CFAP97D1: variants seen among roughly 807,000 people sequenced by gnomAD.
CFAP97D1 encodes the protein CFAP97 domain containing 1.
A neutral mutation model predicts 20.5 loss-of-function variants in CFAP97D1; 15 were observed. The ratio of observed to expected loss-of-function variants is 0.73; its 90% confidence interval spans 0.49 to 1.13. The LOEUF is 1.13. CFAP97D1 is among the 50% of genes most tolerant of loss of function. The pLI is 0.00. For missense variants in CFAP97D1, 168 were observed against 202.9 expected (o/e 0.83, Z 1.04); for synonymous variants, 58 against 71.2 (o/e 0.82, Z 0.93).
At chr17:43,783,974 C>A in intron 5 of CFAP97D1, 81 bp downstream of exon 5, 5 of 1,102,084 alleles carry the variant, frequency 4.5e-6, no homozygotes, top group Non-Finnish European at 6.6e-6. Context: ...GAATGAGGGG[C>A]CCAGTTAAGG....
intron 2 of CFAP97D1, 147 bp from the exon 3 acceptor site, chr17:43,781,627 C>G: frequency 1.5e-6 from 1 of 648,390 alleles, no homozygotes; most frequent in Non-Finnish European, 2.7e-6. Context: ...GCCCGGCCGC[C>G]CAGTCTTTTA....
Position 43,780,477 on chromosome 17 carries a change from G to A in CFAP97D1, c.15G>A (p.Leu5=). 3.2e-6 allele frequency: 5 copies of A among 1,551,628 alleles called. No individual in the cohort carries two copies. The highest frequency in any genetic ancestry group is 4.4e-6 in the Non-Finnish European group (5 of 1,146,966). Residue 5 remains leucine, a synonymous_variant, in exon 1 of 6, where the codon CTG becomes CTA. Transcript: ENST00000449302. MNNS[L]DYLAYPVIVS... Reference sequence around the variant, plus strand: ...AGGAAGAGAAGATGAACAATTCCCTGGATTATCTGGCCTACCCTGTTATCG... The same window carrying A: ...AGGAAGAGAAGATGAACAATTCCCTAGATTATCTGGCCTACCCTGTTATCG...
chr17:43,781,951 T>C, intron 3 of CFAP97D1, 59 bp downstream of exon 3: 1 of 1,197,636 alleles, frequency 8.3e-7, no homozygotes, highest in South Asian at 1.3e-5. Flanking sequence ...TCCTCTTGGG[T>C]TTTAGTGTGA....
At chr17:43,781,747 C>A (rs370228958) in intron 2 of CFAP97D1, 27 bp from the exon 3 acceptor site, 86 of 1,409,196 alleles carry the variant, frequency 6.1e-5, no homozygotes, top group Non-Finnish European at 8.0e-5. Context: ...GATGGTGTCA[C>A]CATGGTGAGG....
At chr17:43,780,632 A>G (rs1974461501) in intron 1 of CFAP97D1, 46 bp downstream of exon 1, 3 of 1,548,758 alleles carry the variant, frequency 1.9e-6, no homozygotes, top group Non-Finnish European at 1.7e-6. Flanking sequence ...GGATTTTGGA[A>G]TGGTACCCCA....
At chr17:43,781,244 T>C in intron 2 of CFAP97D1, 55 bp downstream of exon 2, 1 of 1,422,946 alleles carries the variant, frequency 7.0e-7, no homozygotes, top group Non-Finnish European at 9.7e-7. Context: ...ACTTCCAGTC[T>C]GTTTCCTAAA....
Position 43,781,838 on chromosome 17 carries a change from A to G in CFAP97D1, c.260A>G (p.Asn87Ser). 6.4e-7 allele frequency: 1 copy of G among 1,551,624 alleles called. No homozygotes were observed. Among genetic ancestry groups the G allele is most frequent in the Non-Finnish European group, 8.7e-7 (1 of 1,146,928 alleles). Residue 87 changes from asparagine to serine, a missense_variant, in exon 3 of 6, where the codon AAT (asparagine) becomes AGT (serine). Asn to Ser is a conservative substitution (Grantham distance 46). Coordinates refer to ENST00000449302, the MANE Select transcript of CFAP97D1 (RefSeq NM_001136483.3). ...ENKQLCQKIA[N>S]AHRGPAKVDC... ...AAGCAACTGTGTCAGAAAATCGCAAATGCCCATCGCGGCCCTGCCAAGGTG... is the reference window on the plus strand; with the variant it reads ...AAGCAACTGTGTCAGAAAATCGCAAGTGCCCATCGCGGCCCTGCCAAGGTG...
In CFAP97D1 at chr17:43,787,462, T is replaced by G. The variant is rs746084193; in HGVS notation, c.*3080T>G. The G allele has an allele frequency of 1.3e-5, 2 of 152,214 alleles. No individual in the cohort carries two copies. The highest frequency in any genetic ancestry group is 2.9e-5 in the Non-Finnish European group (2 of 68,046). The allele number at this position is 152,214 out of a possible 1,614,324, so 9.4% of individuals were successfully genotyped here. On this transcript the variant is annotated 3_prime_UTR_variant, in exon 6 of 6. Coordinates refer to ENST00000449302, the MANE Select transcript of CFAP97D1 (RefSeq NM_001136483.3). ...TGATGAAACTGTTCTATATCTTGAC[T>G]CTATCAATGTCAATATCCTTGTTGT...
At position 43,784,934 on chromosome 17, in the gene CFAP97D1, A is replaced by G. The variant is rs1163010218; in HGVS notation, c.*552A>G. On this transcript the variant is annotated 3_prime_UTR_variant, in exon 6 of 6. Transcript: ENST00000449302. ...GGTGAGACAATGTTGCAGGCCTGCT[A>G]TGATTGGTCATGCTAGTTTTCAGCC... 6.6e-6 allele frequency: 1 copy of G among 152,006 alleles called. No homozygotes were observed. Among genetic ancestry groups the G allele is most frequent in the Non-Finnish European group, 1.5e-5 (1 of 68,016 alleles). 9.4% of individuals were successfully genotyped at this position (152,006 alleles called of 1,614,324 possible).
At chr17:43,783,749 A>G (rs761736581) in intron 4 of CFAP97D1, 88 bp from the exon 5 acceptor site, 17 of 1,047,500 alleles carry the variant, frequency 1.6e-5, no homozygotes, top group African/African-American at 3.2e-5. Context: ...TGGTCTTTAA[A>G]TCTTTTCTAA....
At chr17:43,781,348 C>T (rs1159435478) in intron 2 of CFAP97D1, among the ~76,000 whole-genome samples, 159 bp downstream of exon 2, 1 of 140,384 alleles carries the variant, frequency 7.1e-6, no homozygotes, top group Non-Finnish European at 1.5e-5. Flanking sequence ...TCGTTTTTTT[C>T]CCCCCTGATA....
At position 43,780,768 on chromosome 17, in the gene CFAP97D1, G is replaced by A. The variant is rs187854750; in HGVS notation, c.124+182G>A. On this transcript the variant is annotated intron_variant, in intron 1 of 5. Transcript: ENST00000449302. ...GTATCTTCCACCAGGGAGTTCACTG[G>A]ATGGAAATACTCCTTTAAACTCCTT... 7.7e-4 allele frequency among the ~76,000 whole-genome samples: 118 copies of A among 152,278 alleles called. 1 individual carries two copies. The highest frequency in any genetic ancestry group is 2.7e-3 in the African/African-American group (112 of 41,554).
At chr17:43,782,872 T>G (rs1003355694) in intron 3 of CFAP97D1, 5 of 262,740 alleles carry the variant, frequency 1.9e-5, no homozygotes, top group Non-Finnish European at 2.9e-5. Flanking sequence ...CAATCCTGGT[T>G]TTACATTATA....
intron 2 of CFAP97D1, among the ~76,000 whole-genome samples, 189 bp downstream of exon 2, chr17:43,781,378 C>T (rs972847343): frequency 1.3e-5 from 2 of 149,840 alleles, no homozygotes; most frequent in Admixed American, 1.3e-4. Flanking sequence ...GCTCTGTTGC[C>T]TAGGCTGGAG....
Position 43,785,782 on chromosome 17 carries a change from C to T in CFAP97D1, c.*1400C>T, listed in dbSNP as rs1484749351. 2 of 152,166 alleles carry T rather than the reference C, an allele frequency of 1.3e-5. No homozygotes were observed. The highest frequency in any genetic ancestry group is 4.8e-5 in the African/African-American group (2 of 41,400). The allele number at this position is 152,166 out of a possible 1,614,324, so 9.4% of individuals were successfully genotyped here. A position where few individuals can be genotyped will look rare whatever the true frequency, so the allele number is the denominator to read the frequency against. On this transcript the variant is annotated 3_prime_UTR_variant, in exon 6 of 6. Transcript: ENST00000449302. ...TCATTGCCCTGGAAAGGGGTGGTAA[C>T]TCCTAGGTGTTGCTACGGTAATGGT...
In CFAP97D1 at chr17:43,780,501, C is replaced by T. The variant is rs73987086; in HGVS notation, c.39C>T (p.Ile13=). The part of the protein sequence containing the change: ...NSLDYLAYPV[I]VSNHRQSTTF... ...TGGATTATCTGGCCTACCCTGTTAT[C>T]GTCTCTAATCACAGGCAAAGCACAA... is the stretch of plus-strand genomic sequence containing the variant. Residue 13 remains isoleucine (I), a synonymous_variant, in exon 1 of 6, where the codon ATC becomes ATT. Transcript: ENST00000449302. 9.4e-3 allele frequency: 14,618 copies of T among 1,551,564 alleles called. 1,089 individuals are homozygous for T. In the African/African-American group the frequency reaches 0.17, roughly 18 times the overall value.
At chr17:43,783,099 A>G in intron 3 of CFAP97D1, 81 bp from the exon 4 acceptor site, 1 of 1,522,244 alleles carries the variant, frequency 6.6e-7, no homozygotes, top group Non-Finnish European at 8.9e-7. Context: ...TCTGGCATTT[A>G]TGATCTCATG....
Position 43,787,173 on chromosome 17 carries a change from A to C in CFAP97D1, c.*2791A>C, listed in dbSNP as rs2044298216. ...GTAGAGACAGGGTTTCACCATGTTG[A>C]CCCGGCTGGTCTCAAATTCCTGACC... On this transcript the variant is annotated 3_prime_UTR_variant, in exon 6 of 6. Transcript: ENST00000449302. The C allele has an allele frequency of 6.6e-6, 1 of 151,580 alleles. No individual in the cohort carries two copies. The highest frequency in any genetic ancestry group is 1.5e-5 in the Non-Finnish European group (1 of 67,936). 9.4% of individuals were successfully genotyped at this position (151,580 alleles called of 1,614,324 possible).
chr17:43,783,169 G>C lies in CFAP97D1; in HGVS notation c.315-11G>C, dbSNP rs1256751383. On this transcript the variant is annotated splice_polypyrimidine_tract_variant and intron_variant, in intron 3 of 5. Transcript: ENST00000449302. ...CCTTCTTCACCCATTTCGGGGTTTT[G>C]TGTTTTTCAGCTTAAACAGAGAAAC... 1.3e-6 allele frequency: 2 copies of C among 1,551,502 alleles called. No homozygotes were observed.
Sources: gnomAD v4.1 joint callset for allele counts (sites outside exome capture counted in the v4.1 genomes callset) on GRCh38, gnomAD v4.1.1 for gene constraint, MANE v1.5 for transcripts, NCBI Gene and HGNC (gene_info 2026-07-23, HGNC 2026-07-21) for gene names.